CWF19L1: variants seen among roughly 807,000 people sequenced by gnomAD.
CWF19L1 encodes the protein CWF19-like protein 1.
In CWF19L1, 60 loss-of-function variants were observed where a neutral mutation model predicts 69.7. The ratio of observed to expected loss-of-function variants is 0.86; its 90% CI spans 0.70 to 1.07. CWF19L1 has a LOEUF of 1.07. Ranked by LOEUF, CWF19L1 falls within the 50% of genes least tolerant of loss-of-function variation. CWF19L1 has a pLI of 0.00. For missense variants in CWF19L1, 591 were observed against 638.9 expected (o/e 0.92, Z 0.81); for synonymous variants, 209 against 222.2 (o/e 0.94, Z 0.53).
chr10:100,240,447 T>G (rs1846601378), intron 10 of CWF19L1, among the ~76,000 whole-genome samples: 1 of 152,098 alleles, frequency 6.6e-6, no homozygotes, highest in African/African-American at 2.4e-5. Context: ...TTGTAAGAGG[T>G]TTCTACCTAA....
chr10:100,255,490 C>CA (rs1486641985), intron 5 of CWF19L1, among the ~76,000 whole-genome samples: 8 of 146,604 alleles, frequency 5.5e-5, no homozygotes, highest in East Asian at 2.0e-4. Flanking sequence ...ACTAAAAATA[C>CA]AAAAAAATCC....
chr10:100,252,434 C>A (rs1445862145), intron 6 of CWF19L1, among the ~76,000 whole-genome samples: 1 of 147,856 alleles, frequency 6.8e-6, no homozygotes, highest in African/African-American at 2.5e-5. Flanking sequence ...GACTCTGTCT[C>A]AAAAAAAAGA....
At position 100,250,346 on chromosome 10, in the gene CWF19L1, G is replaced by A; in HGVS notation, c.624-14C>T. On this transcript the variant is annotated splice_polypyrimidine_tract_variant and intron_variant, in intron 6 of 13. Transcript: ENST00000354105. ...ATGATATGGTTTCTACAACATATTT[G>A]AGAGACAAAAAATTGCAAACAATTT... 1.3e-6 allele frequency: 2 copies of A among 1,565,500 alleles called. No individual in the cohort carries two copies. Among genetic ancestry groups the A allele is most frequent in the Non-Finnish European group, 1.8e-6 (2 of 1,136,988 alleles).
chr10:100,252,476 T>C (rs990901259), intron 6 of CWF19L1, among the ~76,000 whole-genome samples: 12 of 151,446 alleles, frequency 7.9e-5, no homozygotes, highest in Admixed American at 7.2e-4. Flanking sequence ...TATGCTACTA[T>C]GTACCCCCAA....
At chr10:100,245,968 T>C (rs949421293) in intron 8 of CWF19L1, 55 bp from the exon 9 acceptor site, 8 of 1,278,646 alleles carry the variant, frequency 6.3e-6, no homozygotes, top group East Asian at 2.3e-5. Context: ...TTTAGATAAG[T>C]AGCCGACCAC....
chr10:100,256,366 A>T lies in CWF19L1; in HGVS notation c.400T>A (p.Ser134Thr), dbSNP rs376515228. The change falls in exon 5 of 14, where the codon TCT becomes ACT. Residue 134 changes from serine (S) to threonine (T), a missense_variant. Physicochemically the swap from Ser to Thr is moderately conservative, Grantham distance 58 (BLOSUM62 1). Transcript: ENST00000354105. The stretch of plus-strand genomic sequence containing the variant: ...GTACACAGCATCATTCTCAGAGAAG[A>T]CACATCCTTGGGACTAAAACTATAA... ...PGYSFSPKDV[S>T]SLRMMLCTTS... 8 of 1,613,964 alleles carry T rather than the reference A, an allele frequency of 5.0e-6. No homozygotes were observed. The highest frequency in any genetic ancestry group is 2.2e-5 in the East Asian group (1 of 44,900).
chr10:100,241,000 C>CT (rs56262807), intron 10 of CWF19L1, among the ~76,000 whole-genome samples: 14,448 of 70,508 alleles, frequency 0.2, 4,582 homozygotes, highest in Non-Finnish European at 0.29. Flanking sequence ...CTAATTAAGC[C>CT]TTTTTTTTTT....
At chr10:100,255,625 T>TGGCAGTGTGCGCCTATAGTCC (rs1366931130) in intron 5 of CWF19L1, among the ~76,000 whole-genome samples, 1 of 152,046 alleles carries the variant, frequency 6.6e-6, no homozygotes, top group Non-Finnish European at 1.5e-5. Context: ...TAGCCAGGCA[T>TGGCAGTGTGCGCCTATAGTCC]GGCAGTGTGC....
chr10:100,251,912 A>G (rs1242846688), intron 6 of CWF19L1, among the ~76,000 whole-genome samples: 2 of 152,200 alleles, frequency 1.3e-5, no homozygotes, highest in Non-Finnish European at 2.9e-5. Flanking sequence ...TTTTCGCAGT[A>G]TATTTTTAGA....
At chr10:100,247,941 AG>A (rs1009076977) in intron 7 of CWF19L1, among the ~76,000 whole-genome samples, 5 of 151,396 alleles carry the variant, frequency 3.3e-5, no homozygotes, top group South Asian at 4.2e-4. Flanking sequence ...AGAAATATGG[AG>A]GGGGAAAAAA....
intron 9 of CWF19L1, among the ~76,000 whole-genome samples, chr10:100,244,014 A>G (rs1846722506): frequency 6.6e-6 from 1 of 152,248 alleles, no homozygotes; most frequent in South Asian, 2.1e-4. Flanking sequence ...GTGCAAAATC[A>G]CACACTGACT....
intron 5 of CWF19L1, 97 bp downstream of exon 5, chr10:100,256,165 A>T (rs1847205042): frequency 1.1e-6 from 1 of 888,072 alleles, no homozygotes; most frequent in Non-Finnish European, 1.8e-6. Flanking sequence ...GGTACCCAAG[A>T]GCTAAAATAC....
At chr10:100,251,554 C>T (rs1292968845) in intron 6 of CWF19L1, among the ~76,000 whole-genome samples, 1 of 141,608 alleles carries the variant, frequency 7.1e-6, no homozygotes, top group Admixed American at 7.2e-5. Context: ...CTCTGTTGCC[C>T]AGGCTGGAGT....
At chr10:100,263,676 G>A (rs1847477147) in intron 1 of CWF19L1, among the ~76,000 whole-genome samples, 1 of 152,066 alleles carries the variant, frequency 6.6e-6, no homozygotes, top group Admixed American at 6.6e-5. Flanking sequence ...CCTCATCTGG[G>A]CCCTTTTCCA....
In CWF19L1 at chr10:100,233,320, C is replaced by G; in HGVS notation, c.1524G>C (p.Trp508Cys). 1 of 1,613,878 alleles carries G rather than the reference C, an allele frequency of 6.2e-7. No homozygotes were observed. The highest frequency in any genetic ancestry group is 8.5e-7 in the Non-Finnish European group (1 of 1,179,916). The change falls in exon 14 of 14, where the codon TGG becomes TGC. Residue 508 changes from tryptophan to cysteine, a missense_variant. Physicochemically the swap from Trp to Cys is radical, Grantham distance 215 (BLOSUM62 -2). This residue lies in a region of CWF19L1 where 458 missense variants were observed against 489.3 expected (regional missense o/e 0.94). Transcript: ENST00000354105. ...CTTCCTTGCTGATCTGACACTGCCT[C>G]CAGTCAGACTTATCAGGAACATTAA... ...AILNVPDKSD[W>C]RQCQISKEDE...
At chr10:100,262,086 T>A in intron 1 of CWF19L1, 23 bp from the exon 2 acceptor site, 1 of 1,598,562 alleles carries the variant, frequency 6.3e-7, no homozygotes, top group South Asian at 1.1e-5. Flanking sequence ...AGATAAACAT[T>A]ATAGCAATTC....
At chr10:100,244,598 G>GC (rs1482996494) in intron 9 of CWF19L1, among the ~76,000 whole-genome samples, 2 of 152,010 alleles carry the variant, frequency 1.3e-5, no homozygotes, top group Non-Finnish European at 2.9e-5. Context: ...CTCATGATCC[G>GC]CCCACCTCGG....
Position 100,262,065 on chromosome 10 carries a change from T to C in CWF19L1, c.24-2A>G. 2 of 1,610,310 alleles carry C rather than the reference T, an allele frequency of 1.2e-6. No individual in the cohort carries two copies. Among genetic ancestry groups the C allele is most frequent in the African/African-American group, 1.3e-5 (1 of 74,730 alleles). ...CCTTCAACATCTCCACAAGCCAAGCTGCAAACAAAGAGATAAACATTATAG... is the reference window on the plus strand; with the variant it reads ...CCTTCAACATCTCCACAAGCCAAGCCGCAAACAAAGAGATAAACATTATAG... On this transcript the variant is annotated splice_acceptor_variant, in intron 1 of 13. Coordinates refer to ENST00000354105, the MANE Select transcript of CWF19L1 (RefSeq NM_018294.6). LOFTEE classifies it high-confidence loss of function.
intron 10 of CWF19L1, among the ~76,000 whole-genome samples, chr10:100,239,866 A>G (rs1485842715): frequency 1.3e-5 from 2 of 152,232 alleles, no homozygotes; most frequent in African/African-American, 4.8e-5. Flanking sequence ...AAAACCTCAC[A>G]GGCACTAAAA....
Sources: gnomAD v4.1 joint callset for allele counts (sites outside exome capture counted in the v4.1 genomes callset) on GRCh38, gnomAD v4.1.1 for gene constraint, gnomAD v4.1.1 regional missense constraint, MANE v1.5 for transcripts, NCBI Gene and HGNC (gene_info 2026-07-23, HGNC 2026-07-21) for gene names.